Variants in FAM53B observed in about 807,000 individuals in gnomAD.
FAM53B encodes the protein protein FAM53B.
A neutral mutation model predicts 32.7 loss-of-function variants in FAM53B; 12 were observed. The ratio of observed to expected loss-of-function variants is 0.37; its 90% CI spans 0.24 to 0.59. The LOEUF is 0.59. FAM53B is among the 20% of genes least tolerant of loss of function. FAM53B has a pLI of 0.72. For missense variants in FAM53B, 477 were observed against 577.7 expected, an observed-to-expected ratio of 0.83 and a Z score of 1.79; for synonymous variants, 234 against 228.7, an observed-to-expected ratio of 1.02 and a Z score of -0.21.
intron 4 of FAM53B, among the ~76,000 whole-genome samples, chr10:124,644,177 T>C (rs183069671): frequency 5.7e-4 from 87 of 152,278 alleles, no homozygotes; most frequent in Non-Finnish European, 9.6e-4. Context: ...CAGCTATTTG[T>C]CTACCGCCTG....
In FAM53B at chr10:124,623,064, C is replaced by A. The variant is rs774789692; in HGVS notation, c.*178G>T. ...AGAGGCTGACACACCCGCTGTATGA[C>A]GCGGCCAGGCCAGGCTCTCCCCCAG... On this transcript the variant is annotated 3_prime_UTR_variant, in exon 5 of 5. Transcript: ENST00000337318. 2 of 779,038 alleles carry A rather than the reference C, an allele frequency of 2.6e-6. No individual in the cohort carries two copies. Among genetic ancestry groups the A allele is most frequent in the Admixed American group, 2.9e-5 (1 of 34,760 alleles). The allele number at this position is 779,038 out of a possible 1,614,324, so 48.3% of individuals were successfully genotyped here.
chr10:124,646,351 A>C (rs1949514610), intron 4 of FAM53B, among the ~76,000 whole-genome samples: 1 of 152,216 alleles, frequency 6.6e-6, no homozygotes, highest in South Asian at 2.1e-4. Flanking sequence ...CTGGCCCCGC[A>C]ATGGGCTCAA....
At chr10:124,741,334 T>G (rs982779945) in intron 1 of FAM53B, among the ~76,000 whole-genome samples, 1 of 152,232 alleles carries the variant, frequency 6.6e-6, no homozygotes, top group Non-Finnish European at 1.5e-5. Flanking sequence ...GCAATTTAAC[T>G]GCAGAAAGTC....
intron 2 of FAM53B, among the ~76,000 whole-genome samples, chr10:124,703,348 G>A (rs568559460): frequency 2.6e-5 from 4 of 152,298 alleles, no homozygotes; most frequent in African/African-American, 4.8e-5. Context: ...ATGCCTGGCC[G>A]GTGCCATACT....
intron 4 of FAM53B, among the ~76,000 whole-genome samples, chr10:124,635,111 G>A (rs1232646258): frequency 6.6e-6 from 1 of 151,832 alleles, no homozygotes; most frequent in East Asian, 1.9e-4. Context: ...TTTGTTTTTG[G>A]AGACAGAGTC....
intron 4 of FAM53B, among the ~76,000 whole-genome samples, chr10:124,627,205 G>A (rs951680755): frequency 1.3e-5 from 2 of 152,116 alleles, no homozygotes; most frequent in African/African-American, 4.8e-5. Context: ...TGTGTGTTCT[G>A]CCCAGAGCCC....
At chr10:124,709,332 C>G (rs549096882) in intron 1 of FAM53B, among the ~76,000 whole-genome samples, 1 of 152,206 alleles carries the variant, frequency 6.6e-6, no homozygotes. Flanking sequence ...GAAGCCAGAA[C>G]GAGGCAAAGA....
Position 124,682,200 on chromosome 10 carries a change from G to T in FAM53B, c.313C>A (p.Pro105Thr), listed in dbSNP as rs1292840796. The T allele has an allele frequency of 1.2e-6, 2 of 1,613,848 alleles. No individual in the cohort carries two copies. The highest frequency in any genetic ancestry group is 1.7e-6 in the Non-Finnish European group (2 of 1,179,984). Residue 105 changes from proline (P) to threonine (T), a missense_variant, in exon 4 of 5, where the codon CCC becomes ACC. Transcript: ENST00000337318. This position sits in a 1 kb window ranked among gnomAD's most constrained non-coding sequence, Gnocchi z 5.2. ...DLSISDHNGN[P>T]SAPPSKRQCR... is the part of the protein sequence containing the mutation. ...TGGCGCTTGCTAGGGGGTGCTGAGG[G>T]GTTCCCGTTGTGGTCGCTGATGCTG...
At chr10:124,687,346 G>A (rs1589750921) in intron 3 of FAM53B, among the ~76,000 whole-genome samples, 1 of 151,982 alleles carries the variant, frequency 6.6e-6, no homozygotes, top group Non-Finnish European at 1.5e-5. Context: ...AGTCACAATT[G>A]TCATGGATGT....
chr10:124,736,367 C>G (rs1235763573), intron 1 of FAM53B, among the ~76,000 whole-genome samples: 1 of 152,280 alleles, frequency 6.6e-6, no homozygotes, highest in African/African-American at 2.4e-5. Flanking sequence ...CACAGAGGGG[C>G]TTCCCCGCAT....
intron 4 of FAM53B, among the ~76,000 whole-genome samples, chr10:124,645,898 C>T (rs552022464): frequency 2.0e-5 from 3 of 152,286 alleles, no homozygotes; most frequent in East Asian, 1.9e-4. Flanking sequence ...GATGCCCTGC[C>T]GCCCAGCTCC....
At chr10:124,726,311 C>T (rs920859855) in intron 1 of FAM53B, among the ~76,000 whole-genome samples, 5 of 152,088 alleles carry the variant, frequency 3.3e-5, no homozygotes, top group Non-Finnish European at 7.3e-5. Context: ...CTGGCCAGGC[C>T]CTGGAAATCT....
At chr10:124,701,702 G>A (rs562356694) in intron 2 of FAM53B, among the ~76,000 whole-genome samples, 101 of 152,316 alleles carry the variant, frequency 6.6e-4, no homozygotes, top group African/African-American at 2.4e-3. Flanking sequence ...TGGCCAGAGT[G>A]GGGGAAAGGG....
chr10:124,690,669 G>A (rs1949827782), intron 3 of FAM53B, among the ~76,000 whole-genome samples: 1 of 152,182 alleles, frequency 6.6e-6, no homozygotes, highest in African/African-American at 2.4e-5. Context: ...AAAACTGCCT[G>A]AAACCAATGA....
At chr10:124,629,212 C>T (rs1949374920) in intron 4 of FAM53B, among the ~76,000 whole-genome samples, 4 of 152,134 alleles carry the variant, frequency 2.6e-5, no homozygotes, top group African/African-American at 7.2e-5. Flanking sequence ...TTGTTGGGGA[C>T]GCCTCTCCTC....
At position 124,696,139 on chromosome 10, in the gene FAM53B, G is replaced by A. The variant is rs746783915; in HGVS notation, c.133+19C>T. ...GAAGGACTAGGAGGACAGCTTCCAG[G>A]ATGGCCTTGAGTACTTACCCATAAT... On this transcript the variant is annotated intron_variant, in intron 3 of 4. Transcript: ENST00000337318. 5.0e-6 allele frequency: 8 copies of A among 1,608,946 alleles called. No individual in the cohort carries two copies.
At chr10:124,624,311 A>G (rs1303620623) in intron 4 of FAM53B, among the ~76,000 whole-genome samples, 2 of 152,208 alleles carry the variant, frequency 1.3e-5, no homozygotes, top group Non-Finnish European at 2.9e-5. Context: ...AGAGCCATGC[A>G]GGGAGCTGGG....
intron 1 of FAM53B, among the ~76,000 whole-genome samples, chr10:124,714,461 G>T (rs1950025932): frequency 6.6e-6 from 1 of 152,086 alleles, no homozygotes. Context: ...CAGAAAAAAA[G>T]AGGCAAAGAA....
rs1285535262 is a variant in FAM53B, at chr10:124,682,140, T to C, written c.373A>G (p.Ser125Gly). ...AAGGGCCTCCATGATGTCCGGCAAC[T>C]GGACATCTCATCGGAGAAGGACAGT... ...RSLSFSDEMSSCRTSWRPLGS... is the reference protein window; with the variant it reads ...RSLSFSDEMSGCRTSWRPLGS... Residue 125 changes from serine to glycine, a missense_variant, in exon 4 of 5, where the codon AGT (serine) becomes GGT (glycine). Physicochemically the swap from Ser to Gly is moderately conservative, Grantham distance 56. Transcript: ENST00000337318. The surrounding 1 kb of genome is among the most constrained non-coding windows in gnomAD (Gnocchi z 5.2). The C allele has an allele frequency of 3.1e-6, 5 of 1,613,692 alleles. No homozygotes were observed. Among genetic ancestry groups the C allele is most frequent in the Non-Finnish European group, 4.2e-6 (5 of 1,179,874 alleles).
Sources: allele counts gnomAD v4.1 joint callset (sites outside exome capture counted in the v4.1 genomes callset), GRCh38; gene constraint gnomAD v4.1.1; non-coding constraint Gnocchi (gnomAD v3.1); transcripts MANE v1.5; gene names NCBI Gene and HGNC (gene_info 2026-07-23, HGNC 2026-07-21).